Variants in KIF6 observed in about 807,000 individuals in gnomAD.
The protein encoded by KIF6 is kinesin-like protein KIF6.
In KIF6, 106 loss-of-function variants were observed where a neutral mutation model predicts 112.7. The observed-to-expected ratio is 0.94, with a 90% CI of 0.80 to 1.11. KIF6 has a LOEUF of 1.11. Among genes scored for constraint, KIF6 ranks in the 50% least tolerant of loss-of-function variants. The pLI is 0.00. For synonymous variants in KIF6, 339 were observed against 339.9 expected, an observed-to-expected ratio of 1.00 and a Z score of 0.03; for missense variants, 929 against 964.0, an observed-to-expected ratio of 0.96 and a Z score of 0.48.
intron 3 of KIF6, among the ~76,000 whole-genome samples, chr6:39,685,108 G>A (rs193105286): frequency 1.4e-4 from 21 of 152,324 alleles, no homozygotes; most frequent in Non-Finnish European, 5.9e-5. Context: ...ATAGCTAGAA[G>A]GGATGAGAGT....
rs376022288 is a variant in KIF6 at position 39,654,212 on chromosome 6, G to A, written c.252-14455C>T. ...AGCAAGGAGGACAAGACACCAGGGT[G>A]GTGGGGGACAAACTGTTTCTTTGAA... On this transcript the variant is annotated intron_variant, in intron 3 of 22. Transcript: ENST00000287152. Among the ~76,000 whole-genome samples the A allele has an allele frequency of 9.9e-5, 15 of 152,254 alleles. No homozygotes were observed. In the South Asian group the frequency reaches 1.5e-3, roughly 15 times the overall value.
chr6:39,494,756 C>A (rs1581976870), intron 13 of KIF6, among the ~76,000 whole-genome samples: 2 of 147,956 alleles, frequency 1.4e-5, no homozygotes, highest in South Asian at 2.1e-4. Context: ...CTATTTTAAC[C>A]AAATAGGTAA....
At chr6:39,628,280 T>G (rs570190750) in intron 5 of KIF6, among the ~76,000 whole-genome samples, 1 of 152,140 alleles carries the variant, frequency 6.6e-6, no homozygotes, top group African/African-American at 2.4e-5. Flanking sequence ...ACATTTTAGT[T>G]CTATGCAATT....
intron 13 of KIF6, among the ~76,000 whole-genome samples, chr6:39,522,206 G>A (rs1028770742): frequency 2.6e-5 from 4 of 152,192 alleles, no homozygotes; most frequent in African/African-American, 9.7e-5. Flanking sequence ...AGAGGGGCCA[G>A]AGACAGTGTT....
chr6:39,364,804 G>C (rs1447422406), intron 16 of KIF6, among the ~76,000 whole-genome samples: 1 of 152,186 alleles, frequency 6.6e-6, no homozygotes, highest in Non-Finnish European at 1.5e-5. Context: ...AGGTTACATA[G>C]CTACTAAATA....
At chr6:39,677,445 C>T (rs1787214727) in intron 3 of KIF6, among the ~76,000 whole-genome samples, 1 of 151,594 alleles carries the variant, frequency 6.6e-6, no homozygotes, top group Admixed American at 6.6e-5. Context: ...CAGGTTTGAT[C>T]CAAATGGATA....
intron 13 of KIF6, among the ~76,000 whole-genome samples, chr6:39,489,130 A>T (rs1775309556): frequency 6.6e-6 from 1 of 152,238 alleles, no homozygotes; most frequent in Non-Finnish European, 1.5e-5. Context: ...TGATGGCCAT[A>T]GAAATCAGCT....
intron 17 of KIF6, 24 bp downstream of exon 17, chr6:39,362,410 G>A: frequency 6.3e-7 from 1 of 1,584,734 alleles, no homozygotes; most frequent in Non-Finnish European, 8.7e-7. Context: ...GGCTCGGACT[G>A]TGTGTGGCTA....
intron 2 of KIF6, among the ~76,000 whole-genome samples, chr6:39,716,130 T>C (rs989813948): frequency 6.6e-6 from 1 of 152,212 alleles, no homozygotes; most frequent in East Asian, 1.9e-4. Context: ...GCAGAAGTTT[T>C]AAAGAAGGCA....
chr6:39,397,798 C>G (rs1768385073), intron 15 of KIF6, among the ~76,000 whole-genome samples: 1 of 151,988 alleles, frequency 6.6e-6, no homozygotes, highest in Admixed American at 6.6e-5. Flanking sequence ...AATGAGTGAG[C>G]AGGGGGAGCG....
At position 39,578,638 on chromosome 6, in the gene KIF6, T is replaced by A. The variant is rs145697062; in HGVS notation, c.1078-479A>T. On this transcript the variant is annotated intron_variant, in intron 9 of 22. Coordinates refer to ENST00000287152, the MANE Select transcript of KIF6 (RefSeq NM_145027.6). ...AGCCACCTCGCCCAGCCTCTATAAT[T>A]TTTTTTAAAACAAATAAAACATTAC... Among the ~76,000 whole-genome samples the A allele has an allele frequency of 3.8e-3, 576 of 152,194 alleles. 4 individuals carry two copies. The highest frequency in any genetic ancestry group is 0.013 in the African/African-American group (547 of 41,538).
At chr6:39,578,425 C>T (rs748931564) in intron 9 of KIF6, among the ~76,000 whole-genome samples, 27 of 151,270 alleles carry the variant, frequency 1.8e-4, no homozygotes, top group African/African-American at 5.4e-4. Context: ...CTCCGCCTCC[C>T]GGGTTCAAGC....
intron 3 of KIF6, among the ~76,000 whole-genome samples, chr6:39,698,405 GT>G (rs1303888565): frequency 3.7e-4 from 57 of 152,274 alleles, no homozygotes; most frequent in African/African-American, 1.3e-3. Flanking sequence ...AAAATGTGGT[GT>G]TCTTATGATA....
In KIF6 at chr6:39,446,481, T is replaced by A. The variant is rs558734317; in HGVS notation, c.1646-15320A>T. ...AAGAAGGAGAGATCTCCAGTGAAAT[T>A]GTTTTCTTTTCTTTCCTTTTTCTTT... On this transcript the variant is annotated intron_variant, in intron 13 of 22. Transcript: ENST00000287152. 7.2e-5 allele frequency among the ~76,000 whole-genome samples: 11 copies of A among 152,108 alleles called. No homozygotes were observed. In the South Asian group the frequency reaches 1.0e-3, roughly 14 times the overall value.
intron 13 of KIF6, among the ~76,000 whole-genome samples, chr6:39,471,894 C>T (rs554596961): frequency 6.6e-6 from 1 of 152,194 alleles, no homozygotes; most frequent in African/African-American, 2.4e-5. Flanking sequence ...TCCCTTACTT[C>T]TTCCATTTTT....
At chr6:39,722,964 C>A (rs961441165) in intron 1 of KIF6, among the ~76,000 whole-genome samples, 1 of 152,126 alleles carries the variant, frequency 6.6e-6, no homozygotes, top group African/African-American at 2.4e-5. Flanking sequence ...GTATTAAATC[C>A]AAGACTCTCC....
Position 39,703,082 on chromosome 6 carries a change from A to G in KIF6, c.251+11610T>C, listed in dbSNP as rs2953366. 7.1e-4 allele frequency among the ~76,000 whole-genome samples: 50 copies of G among 69,998 alleles called. 3 individuals carry two copies. The highest frequency in any genetic ancestry group is 1.6e-3 in the East Asian group (3 of 1,900). 45.9% of individuals were successfully genotyped at this position (69,998 alleles called of 152,430 possible). On this transcript the variant is annotated intron_variant, in intron 3 of 22. Transcript: ENST00000287152. ...CCAAGACAAAATCCACCAACCCCCCACCCCCACTCCCGGCCACCAAGACAA... is the reference window on the plus strand; with the variant it reads ...CCAAGACAAAATCCACCAACCCCCCGCCCCCACTCCCGGCCACCAAGACAA...
chr6:39,606,288 T>A (rs1007090122), intron 6 of KIF6, among the ~76,000 whole-genome samples: 6 of 152,076 alleles, frequency 3.9e-5, no homozygotes, highest in African/African-American at 1.4e-4. Flanking sequence ...CTTTGGGCTC[T>A]TCTATAATAT....
chr6:39,462,617 G>A (rs1486533368), intron 13 of KIF6, among the ~76,000 whole-genome samples: 2 of 152,092 alleles, frequency 1.3e-5, no homozygotes, highest in Non-Finnish European at 2.9e-5. Flanking sequence ...ATTTACTGAA[G>A]AATAATGAAA....
Sources: allele counts gnomAD v4.1 joint callset (sites outside exome capture counted in the v4.1 genomes callset), GRCh38; gene constraint gnomAD v4.1.1; transcripts MANE v1.5; gene names NCBI Gene and HGNC (gene_info 2026-07-23, HGNC 2026-07-21).